TMC3: variants seen among roughly 807,000 people sequenced by gnomAD.
TMC3 encodes the protein transmembrane channel-like protein 3.
A neutral mutation model predicts 110.6 loss-of-function variants in TMC3; 98 were observed. The ratio of observed to expected loss-of-function variants is 0.89; its 90% CI spans 0.75 to 1.05. The LOEUF (loss-of-function observed/expected upper bound fraction) is 1.05. TMC3 is among the 50% of genes least tolerant of loss of function. TMC3 has a pLI of 0.00. For synonymous variants in TMC3, 489 were observed against 513.1 expected, an observed-to-expected ratio of 0.95 and a Z score of 0.63; for missense variants, 1,319 against 1,373.2, an observed-to-expected ratio of 0.96 and a Z score of 0.62.
Position 81,372,704 on chromosome 15 carries a change from T to A in TMC3, c.123A>T (p.Thr41=), listed in dbSNP as rs200875050. The change falls in exon 2 of 22, where the codon ACA becomes ACT. Residue 41 remains threonine (T), a synonymous_variant. Transcript: ENST00000359440. The part of the protein sequence containing the change: ...NLDDSFSADE[T]GDSNDPEQIF... ...TTTGTTCCGGATCATTGCTGTCCCC[T>A]GTTTCATCAGCACTAAAGCTGTCAT... 5 of 1,614,022 alleles carry A rather than the reference T, an allele frequency of 3.1e-6. No individual in the cohort carries two copies. In the African/African-American group the frequency reaches 6.7e-5, roughly 22 times the overall value.
At chr15:81,368,360 A>G (rs767953907) in intron 2 of TMC3, 32 bp from the exon 3 acceptor site, 5 of 1,545,950 alleles carry the variant, frequency 3.2e-6, no homozygotes, top group African/African-American at 1.4e-5. Context: ...GGTGAACACA[A>G]TTGTATCACA....
intron 12 of TMC3, among the ~76,000 whole-genome samples, chr15:81,345,399 T>A (rs1893804955): frequency 6.6e-6 from 1 of 152,218 alleles, no homozygotes; most frequent in African/African-American, 2.4e-5. Context: ...GACCCAGGTC[T>A]ATGTAACCTC....
In TMC3 at chr15:81,333,109, C is replaced by T. The variant is rs1204856734; in HGVS notation, c.2613G>A (p.Gln871=). ...GACCCTGTGCCAGCAAAGTCGAGGC[C>T]TGTGGTCCACGGTGAGGAGGGTTGA... ...QQINPPHRGP[Q]ASTLLAQGPR... The change falls in exon 22 of 22, where the codon CAG becomes CAA. Residue 871 remains glutamine (Q), a synonymous_variant. Transcript: ENST00000359440. The T allele has an allele frequency of 2.5e-6, 4 of 1,613,948 alleles. No homozygotes were observed. The highest frequency in any genetic ancestry group is 2.7e-5 in the African/African-American group (2 of 74,944).
rs758169709 is a variant in TMC3, at chr15:81,346,427, A to C, written c.1210T>G (p.Leu404Val). 6.2e-7 allele frequency: 1 copy of C among 1,613,584 alleles called. No individual in the cohort carries two copies. Among genetic ancestry groups the C allele is most frequent in the African/African-American group, 1.3e-5 (1 of 75,028 alleles). Residue 404 changes from leucine to valine, a missense_variant, in exon 12 of 22, where the codon TTG becomes GTG. Coordinates refer to ENST00000359440, the MANE Select transcript of TMC3 (RefSeq NM_001080532.3). ...FQLARVLVLYLGNLYSLIIAL... is the reference protein window; with the variant it reads ...FQLARVLVLYVGNLYSLIIAL... ...ATGATCAGGCTGTAGAGATTTCCCAAATACAGCACAAGGACCCTGAAAGCC... is the reference window on the plus strand; with the variant it reads ...ATGATCAGGCTGTAGAGATTTCCCACATACAGCACAAGGACCCTGAAAGCC...
At chr15:81,362,901 A>T (rs989709022) in intron 3 of TMC3, among the ~76,000 whole-genome samples, 3 of 152,098 alleles carry the variant, frequency 2.0e-5, no homozygotes, top group South Asian at 2.1e-4. Flanking sequence ...CTAATGTGTG[A>T]CTCGCCTCCT....
chr15:81,346,623 T>A (rs1166392079), intron 11 of TMC3, among the ~76,000 whole-genome samples, 180 bp from the exon 12 acceptor site: 1 of 152,152 alleles, frequency 6.6e-6, no homozygotes, highest in Non-Finnish European at 1.5e-5. Context: ...CCACCCTTAG[T>A]AGGTCTGGAA....
chr15:81,370,381 C>A (rs1169800909), intron 2 of TMC3, among the ~76,000 whole-genome samples: 1 of 152,104 alleles, frequency 6.6e-6, no homozygotes, highest in Non-Finnish European at 1.5e-5. Flanking sequence ...AGGAGATATG[C>A]GTGGCAAGAG....
rs1329814632 is a variant in TMC3 at position 81,343,268 on chromosome 15, T to A, written c.1715+10A>T. On this transcript the variant is annotated intron_variant, in intron 15 of 21. Transcript: ENST00000359440. ...TGTAAGCAAAGGCAAGAAGAAACTT[T>A]GATACCTACCAAATCATTCCTTGGT... The A allele has an allele frequency of 6.3e-7, 1 of 1,591,030 alleles. No homozygotes were observed.
At position 81,331,354 on chromosome 15, in the gene TMC3, A is replaced by C. The variant is rs771382278; in HGVS notation, c.*1065T>G. On this transcript the variant is annotated 3_prime_UTR_variant, in exon 22 of 22. Coordinates refer to ENST00000359440, the MANE Select transcript of TMC3 (RefSeq NM_001080532.3). ...ACTTTGCAGCTGCGCTAGGGTGGTG[A>C]AGCAGGAACTCGCTGAGCCTCAAGG... 1.3e-5 allele frequency: 2 copies of C among 152,226 alleles called. No individual in the cohort carries two copies. The highest frequency in any genetic ancestry group is 2.9e-5 in the Non-Finnish European group (2 of 68,058). The allele number at this position is 152,226 out of a possible 1,614,324, so 9.4% of individuals were successfully genotyped here.
intron 4 of TMC3, among the ~76,000 whole-genome samples, chr15:81,361,559 C>T (rs1894188345): frequency 6.6e-6 from 1 of 152,052 alleles, no homozygotes; most frequent in African/African-American, 2.4e-5. Flanking sequence ...GGATATTTTT[C>T]CTTCCATATA....
chr15:81,340,662 T>C (rs1053077227), intron 16 of TMC3, among the ~76,000 whole-genome samples: 1 of 152,226 alleles, frequency 6.6e-6, no homozygotes, highest in African/African-American at 2.4e-5. Flanking sequence ...CTGCTAGACA[T>C]GTAAAATGGG....
rs1254951885 is a variant in TMC3, at chr15:81,333,834, CA to C, written c.2460-573del. 4.0e-5 allele frequency among the ~76,000 whole-genome samples: 6 copies of C among 151,868 alleles called. No individual in the cohort carries two copies. The East Asian group carries it at 5.8e-4, about 15-fold the overall frequency. Reference sequence around the variant, plus strand: ...TGAAACCTGGTCTCTATTGAAAATACAAAAAAATAGCCGGGTGTGGTGGCAG... The same window carrying C: ...TGAAACCTGGTCTCTATTGAAAATACAAAAAATAGCCGGGTGTGGTGGCAG... On this transcript the variant is annotated intron_variant, in intron 21 of 21. Transcript: ENST00000359440.
intron 4 of TMC3, among the ~76,000 whole-genome samples, chr15:81,361,050 CT>C (rs1363748555): frequency 6.9e-6 from 1 of 144,886 alleles, no homozygotes; most frequent in Non-Finnish European, 1.5e-5. Flanking sequence ...CATATTAAAA[CT>C]TTTTAAAAAA....
chr15:81,341,106 T>C (rs1017485505), intron 16 of TMC3, among the ~76,000 whole-genome samples: 8 of 152,254 alleles, frequency 5.3e-5, no homozygotes, highest in Non-Finnish European at 8.8e-5. Context: ...TTTTGAAAAC[T>C]AATCAAGCTA....
At chr15:81,337,594 C>T (rs1348370828) in intron 19 of TMC3, 3 of 565,892 alleles carry the variant, frequency 5.3e-6, no homozygotes, top group Non-Finnish European at 9.5e-6. Flanking sequence ...CTGAAAGGCT[C>T]GAGGCAGCTG....
At chr15:81,357,450 C>T (rs1243047425) in intron 7 of TMC3, among the ~76,000 whole-genome samples, 3 of 151,924 alleles carry the variant, frequency 2.0e-5, no homozygotes, top group Non-Finnish European at 2.9e-5. Context: ...GATTTGGAGC[C>T]TCCTTATCAG....
intron 2 of TMC3, among the ~76,000 whole-genome samples, 182 bp downstream of exon 2, chr15:81,372,401 CACACACAG>C (rs1485024959): frequency 3.8e-5 from 5 of 132,180 alleles, no homozygotes; most frequent in Admixed American, 7.5e-5. Flanking sequence ...CACACACACA[CACACACAG>C]AGGAACTGGC....
chr15:81,352,391 A>G (rs1013075010), intron 9 of TMC3, among the ~76,000 whole-genome samples: 1 of 152,168 alleles, frequency 6.6e-6, no homozygotes, highest in East Asian at 1.9e-4. Context: ...AAAAATTCCT[A>G]TGGCCTAGGA....
chr15:81,342,544 A>T (rs1161079911), intron 15 of TMC3, among the ~76,000 whole-genome samples: 1 of 152,214 alleles, frequency 6.6e-6, no homozygotes, highest in East Asian at 1.9e-4. Flanking sequence ...TTGTAAAGAT[A>T]TTTTGCAAAA....
Sources: allele counts gnomAD v4.1 joint callset (sites outside exome capture counted in the v4.1 genomes callset), GRCh38; gene constraint gnomAD v4.1.1; transcripts MANE v1.5; gene names NCBI Gene and HGNC (gene_info 2026-07-23, HGNC 2026-07-21).